Variants in PDAP1 observed in about 807,000 individuals in gnomAD.
PDAP1 encodes PDGFA associated protein 1, also known as 28 kDa heat- and acid-stable phosphoprotein.
A neutral mutation model predicts 28.0 loss-of-function variants in PDAP1; 13 were observed. The observed-to-expected ratio is 0.46, with a 90% CI of 0.30 to 0.74. The LOEUF (loss-of-function observed/expected upper bound fraction) is 0.74, where lower values mean the gene tolerates loss of function less well. Ranked by LOEUF, PDAP1 falls within the 30% of genes least tolerant of loss-of-function variation. The probability of loss-of-function intolerance (pLI) is 0.07; values close to 1 mark genes in which losing one functional copy is unlikely to be tolerated. For missense variants in PDAP1, 150 were observed against 230.0 expected (o/e 0.65, Z 2.25); for synonymous variants, 77 against 85.1 (o/e 0.91, Z 0.52).
rs1427274706 is a variant in PDAP1 at position 99,396,109 on chromosome 7, C to T, written c.*573G>A. ...ATCAATGGGTAGGGCTGAAAATGGG[C>T]ACTGGCCCTAGCCAGGTGAGTAGGA... On this transcript the variant is annotated 3_prime_UTR_variant, in exon 6 of 6. Coordinates refer to ENST00000350498, the MANE Select transcript of PDAP1 (RefSeq NM_014891.7). The T allele has an allele frequency of 6.4e-6, 1 of 156,090 alleles. No individual in the cohort carries two copies. The highest frequency in any genetic ancestry group is 1.9e-4 in the East Asian group (1 of 5,224). The allele number at this position is 156,090 out of a possible 1,614,324, so 9.7% of individuals were successfully genotyped here. A position where few individuals can be genotyped will look rare whatever the true frequency, so the allele number is the denominator to read the frequency against.
At chr7:99,401,289 A>C (rs987529667) in intron 3 of PDAP1, among the ~76,000 whole-genome samples, 8 of 151,564 alleles carry the variant, frequency 5.3e-5, no homozygotes, top group African/African-American at 1.9e-4. Context: ...AAATTTGTCC[A>C]CTCTTCTCCA....
chr7:99,396,702 A>C lies in PDAP1; in HGVS notation c.526T>G (p.Ser176Ala). 5 of 1,611,922 alleles carry C rather than the reference A, an allele frequency of 3.1e-6. No homozygotes were observed. The highest frequency in any genetic ancestry group is 4.2e-6 in the Non-Finnish European group (5 of 1,179,752). Reference protein sequence around the residue: ...DATLSGKRMQSLSLNK With the variant: ...DATLSGKRMQALSLNK ...CGCAGTTACTTATTCAGGGAGAGTG[A>C]CTGCATTCGTTTTCCTGACAATGTG... The change falls in exon 6 of 6, where the codon TCA becomes GCA. Residue 176 changes from serine (S) to alanine (A), a missense_variant. Ser to Ala is a moderately conservative substitution (Grantham distance 99). Transcript: ENST00000350498.
At chr7:99,401,390 A>C (rs1354499630) in intron 3 of PDAP1, among the ~76,000 whole-genome samples, 1 of 152,134 alleles carries the variant, frequency 6.6e-6, no homozygotes, top group African/African-American at 2.4e-5. Flanking sequence ...GGGCAATGGC[A>C]CAATCTCGGC....
chr7:99,402,892 AAAAAGAAAAG>A (rs1200200445), intron 3 of PDAP1, among the ~76,000 whole-genome samples: 17 of 128,930 alleles, frequency 1.3e-4, no homozygotes, highest in African/African-American at 6.0e-4. Context: ...AAAAAAAAAA[AAAAAGAAAAG>A]AAAAGAAAAG....
intron 3 of PDAP1, among the ~76,000 whole-genome samples, chr7:99,401,721 C>T (rs1294894142): frequency 2.8e-5 from 4 of 143,308 alleles, no homozygotes; most frequent in Middle Eastern, 3.8e-3. Context: ...TTTTTTGAGA[C>T]GGAGTCTCAC....
Position 99,408,518 on chromosome 7 carries a change from C to T in PDAP1, c.13+18G>A. 1 of 1,320,348 alleles carries T rather than the reference C, an allele frequency of 7.6e-7. No homozygotes were observed. Among genetic ancestry groups the T allele is most frequent in the Non-Finnish European group, 9.7e-7 (1 of 1,033,786 alleles). The allele number at this position is 1,320,348 out of a possible 1,614,324, so 81.8% of individuals were successfully genotyped here. A position where few individuals can be genotyped will look rare whatever the true frequency, so the allele number is the denominator to read the frequency against. ...GCCGCCCCTCCAGGCCTGCGGGCCACCGGCGCCCGCCCCTCACCTCCTTTA... is the reference window on the plus strand; with the variant it reads ...GCCGCCCCTCCAGGCCTGCGGGCCATCGGCGCCCGCCCCTCACCTCCTTTA... On this transcript the variant is annotated intron_variant, in intron 1 of 5. Coordinates refer to ENST00000350498, the MANE Select transcript of PDAP1 (RefSeq NM_014891.7).
chr7:99,407,088 A>C (rs1794985263), intron 1 of PDAP1, among the ~76,000 whole-genome samples: 1 of 152,180 alleles, frequency 6.6e-6, no homozygotes, highest in Admixed American at 6.5e-5. Context: ...TAGACTCTTC[A>C]AGACTTTAAA....
chr7:99,402,717 C>T (rs938072127), intron 3 of PDAP1, among the ~76,000 whole-genome samples: 2 of 151,200 alleles, frequency 1.3e-5, no homozygotes, highest in Non-Finnish European at 2.9e-5. Flanking sequence ...CCTGTCTCTA[C>T]TAAAAATACA....
At chr7:99,403,281 C>T (rs894379237) in intron 3 of PDAP1, 117 bp downstream of exon 3, 1 of 674,940 alleles carries the variant, frequency 1.5e-6, no homozygotes, top group Non-Finnish European at 2.7e-6. Context: ...TAGTGTAAAC[C>T]CTCAAGAGCA....
At chr7:99,403,244 C>T (rs1290607558) in intron 3 of PDAP1, 154 bp downstream of exon 3, 12 of 608,310 alleles carry the variant, frequency 2.0e-5, no homozygotes, top group African/African-American at 3.7e-5. Context: ...ATGACACTGT[C>T]TGTTTACTTC....
intron 3 of PDAP1, among the ~76,000 whole-genome samples, chr7:99,400,764 G>T (rs1411565273): frequency 6.6e-6 from 1 of 152,138 alleles, no homozygotes; most frequent in Non-Finnish European, 1.5e-5. Flanking sequence ...AGTTTTCCAT[G>T]GAATCCCATG....
chr7:99,404,972 T>C lies in PDAP1; in HGVS notation c.14-19A>G, dbSNP rs192709024. Reference sequence around the variant, plus strand: ...TTTCTTCCTGCAGAGACCCGCAGTTTAGGTGAGCGGAAGCAGCTGCCTTGA... The same window carrying C: ...TTTCTTCCTGCAGAGACCCGCAGTTCAGGTGAGCGGAAGCAGCTGCCTTGA... On this transcript the variant is annotated intron_variant, in intron 1 of 5. Coordinates refer to ENST00000350498, the MANE Select transcript of PDAP1 (RefSeq NM_014891.7). The C allele has an allele frequency of 7.5e-4, 1,190 of 1,597,040 alleles. 12 individuals are homozygous for C. The African/African-American group carries it at 0.013, about 18-fold the overall frequency.
chr7:99,396,838 G>T, intron 5 of PDAP1, 98 bp from the exon 6 acceptor site: 1 of 919,314 alleles, frequency 1.1e-6, no homozygotes, highest in Non-Finnish European at 1.7e-6. Context: ...CTGAAAGGCT[G>T]CAGAAAACAT....
intron 5 of PDAP1, 34 bp from the exon 6 acceptor site, chr7:99,396,774 AAGCAAC>A: frequency 6.4e-7 from 1 of 1,558,728 alleles, no homozygotes; most frequent in Non-Finnish European, 8.8e-7. Context: ...GGTTAAAACA[AAGCAAC>A]CCCCCACCCC....
In PDAP1 at chr7:99,404,853, C is replaced by T. The variant is rs116176931; in HGVS notation, c.105+9G>A. 8 of 1,608,966 alleles carry T rather than the reference C, an allele frequency of 5.0e-6. No individual in the cohort carries two copies. Among genetic ancestry groups the T allele is most frequent in the African/African-American group, 2.7e-5 (2 of 74,934 alleles). Reference sequence around the variant, plus strand: ...GCCACTGGCGTGGCCTGGACAGGCACGTACTCACCCTGGCCTTCTGCTTCT... The same window carrying T: ...GCCACTGGCGTGGCCTGGACAGGCATGTACTCACCCTGGCCTTCTGCTTCT... On this transcript the variant is annotated intron_variant, in intron 2 of 5. Transcript: ENST00000350498.
In PDAP1 at chr7:99,403,497, C is replaced by G; in HGVS notation, c.114G>C (p.Glu38Asp). Residue 38 changes from glutamate to aspartate, a missense_variant, in exon 3 of 6, where the codon GAG becomes GAC. Physicochemically the swap from Glu to Asp is conservative, Grantham distance 45. Transcript: ENST00000350498. ...CCCCATCTCCACCTTCTTTTTGCTC[C>G]TCTTCTTCCTGTTTCAGAAATGGAC... The part of the protein sequence containing the change: ...QAEKQKAREE[E>D]EQKEGGDGAA... The G allele has an allele frequency of 6.2e-7, 1 of 1,607,158 alleles. No homozygotes were observed. The highest frequency in any genetic ancestry group is 2.2e-5 in the East Asian group (1 of 44,860).
At chr7:99,403,040 C>G (rs1794907533) in intron 3 of PDAP1, among the ~76,000 whole-genome samples, 1 of 152,162 alleles carries the variant, frequency 6.6e-6, no homozygotes, top group African/African-American at 2.4e-5. Context: ...TTGAACATGC[C>G]AAGCTTATTC....
chr7:99,400,012 C>T (rs1301166491), intron 4 of PDAP1, among the ~76,000 whole-genome samples: 2 of 152,172 alleles, frequency 1.3e-5, no homozygotes, highest in Admixed American at 1.3e-4. Flanking sequence ...GGGAAGTCTC[C>T]CCAGGGTGTG....
chr7:99,404,987 A>C (rs1794945046), intron 1 of PDAP1, 34 bp from the exon 2 acceptor site: 1 of 1,539,208 alleles, frequency 6.5e-7, no homozygotes, highest in Non-Finnish European at 9.0e-7. Context: ...GAGCGGAAGC[A>C]GCTGCCTTGA....
Sources: allele counts gnomAD v4.1 joint callset (sites outside exome capture counted in the v4.1 genomes callset), GRCh38; gene constraint gnomAD v4.1.1; transcripts MANE v1.5; gene names NCBI Gene and HGNC (gene_info 2026-07-23, HGNC 2026-07-21).